The following PPFIA2 variants were observed in gnomAD, a reference collection of about 807,000 sequenced individuals.
PPFIA2 encodes PPFI scaffold protein A2.
PPFIA2 carries 46 observed loss-of-function variants against 175.5 expected under a neutral mutation model. That is an observed-to-expected ratio of 0.26 (90% CI 0.21 to 0.34). PPFIA2 has a LOEUF of 0.34. Ranked by LOEUF, PPFIA2 falls within the 10% of genes least tolerant of loss-of-function variation. PPFIA2 has a pLI of 1.00. For missense variants in PPFIA2, 1,179 were observed against 1,506.1 expected (o/e 0.78, Z 3.60); for synonymous variants, 568 against 511.4 (o/e 1.11, Z -1.49).
chr12:81,333,487 C>A (rs912476167), intron 21 of PPFIA2, among the ~76,000 whole-genome samples: 10 of 152,148 alleles, frequency 6.6e-5, no homozygotes, highest in African/African-American at 2.4e-4. Context: ...GTACAGTAAC[C>A]AGGATGGATT....
chr12:81,301,578 T>C lies in PPFIA2; in HGVS notation c.2643-2196A>G, dbSNP rs1345232585. 2.0e-5 allele frequency among the ~76,000 whole-genome samples: 3 copies of C among 152,278 alleles called. No individual in the cohort carries two copies. In the East Asian group the frequency reaches 5.8e-4, roughly 29 times the overall value. Reference sequence around the variant, plus strand: ...ATCATGTAACTTTTCTGTTCATAACTCTCCAATCACTTCCTGTCTCACTGG... The same window carrying C: ...ATCATGTAACTTTTCTGTTCATAACCCTCCAATCACTTCCTGTCTCACTGG... On this transcript the variant is annotated intron_variant, in intron 22 of 32. Transcript: ENST00000549396.
intron 4 of PPFIA2, among the ~76,000 whole-genome samples, chr12:81,630,069 C>T (rs539592965): frequency 7.2e-5 from 11 of 152,154 alleles, no homozygotes; most frequent in African/African-American, 2.7e-4. Flanking sequence ...CTGAAGGGAC[C>T]ATAAACCAAG....
intron 22 of PPFIA2, chr12:81,312,129 C>A: frequency 6.5e-7 from 1 of 1,531,092 alleles, no homozygotes; most frequent in Non-Finnish European, 8.7e-7. Flanking sequence ...TGAAAATAAA[C>A]ATGTTCAGCA....
intron 4 of PPFIA2, among the ~76,000 whole-genome samples, chr12:81,543,633 C>T (rs1333864778): frequency 6.6e-6 from 1 of 152,068 alleles, no homozygotes; most frequent in Non-Finnish European, 1.5e-5. Flanking sequence ...TCAATAGTGA[C>T]TTTCTTTCAA....
At chr12:81,542,130 T>C (rs2066319822) in intron 4 of PPFIA2, among the ~76,000 whole-genome samples, 1 of 152,158 alleles carries the variant, frequency 6.6e-6, no homozygotes, top group Admixed American at 6.6e-5. Context: ...GAGTTTATTC[T>C]GGTGTACTTG....
intron 4 of PPFIA2, among the ~76,000 whole-genome samples, chr12:81,463,035 C>T (rs1487299381): frequency 6.6e-6 from 1 of 151,944 alleles, no homozygotes; most frequent in African/African-American, 2.4e-5. Context: ...GATTTTAGAA[C>T]AGTATTTCCA....
At chr12:81,489,397 T>C (rs1739306939) in intron 4 of PPFIA2, among the ~76,000 whole-genome samples, 1 of 151,822 alleles carries the variant, frequency 6.6e-6, no homozygotes, top group Admixed American at 6.6e-5. Flanking sequence ...GACATTACTT[T>C]TAGCTTTCTT....
chr12:81,434,754 A>C (rs1192132190), intron 7 of PPFIA2, among the ~76,000 whole-genome samples: 1 of 152,102 alleles, frequency 6.6e-6, no homozygotes, highest in Non-Finnish European at 1.5e-5. Flanking sequence ...TGCTCCATAA[A>C]ATGATCTAGT....
chr12:81,259,540 T>G lies in PPFIA2; in HGVS notation c.*154A>C. On this transcript the variant is annotated 3_prime_UTR_variant, in exon 33 of 33. Transcript: ENST00000549396. ...TGACTCCCCCCAAAAATCACATTTT[T>G]CAGCTTTTAATAAGTCATGACGTCA... 4.0e-6 allele frequency: 5 copies of G among 1,255,664 alleles called. No individual in the cohort carries two copies. In the South Asian group the frequency reaches 6.7e-5, roughly 17 times the overall value. 77.8% of individuals were successfully genotyped at this position (1,255,664 alleles called of 1,614,324 possible). A position where few individuals can be genotyped will look rare whatever the true frequency, so the allele number is the denominator to read the frequency against.
At chr12:81,710,178 T>C (rs545371512) in intron 3 of PPFIA2, among the ~76,000 whole-genome samples, 83 of 152,088 alleles carry the variant, frequency 5.5e-4, no homozygotes, top group African/African-American at 1.9e-3. Context: ...GTATTTTATA[T>C]ATCTTGGGGC....
intron 3 of PPFIA2, among the ~76,000 whole-genome samples, chr12:81,687,185 T>A (rs939037664): frequency 1.3e-5 from 2 of 152,046 alleles, no homozygotes; most frequent in Non-Finnish European, 2.9e-5. Context: ...AATACTTAAG[T>A]AAGGTCCCCA....
At position 81,384,091 on chromosome 12, in the gene PPFIA2, C is replaced by A. The variant is rs2141999376; in HGVS notation, c.916G>T (p.Glu306Ter). 1 of 1,613,364 alleles carries A rather than the reference C, an allele frequency of 6.2e-7. No individual in the cohort carries two copies. The highest frequency in any genetic ancestry group is 2.2e-5 in the East Asian group (1 of 44,794). Reference sequence around the variant, plus strand: ...TTAATGAGATCCTTTCTTGCTGTCTCTGCTTCCTGTTCCACCTCTCCCACT... The same window carrying A: ...TTAATGAGATCCTTTCTTGCTGTCTATGCTTCCTGTTCCACCTCTCCCACT... The part of the protein sequence containing the change: ...SRVGEVEQEA[E>*]TARKDLIKTE... The change falls in exon 9 of 33, where the codon GAG becomes TAG. Residue 306 changes from glutamate to a stop codon, truncating the protein, a stop_gained. Coordinates refer to ENST00000549396, the MANE Select transcript of PPFIA2 (RefSeq NM_003625.5). LOFTEE classifies it high-confidence loss of function.
intron 23 of PPFIA2, among the ~76,000 whole-genome samples, 191 bp from the exon 24 acceptor site, chr12:81,295,226 G>C (rs2046169018): frequency 6.6e-6 from 1 of 152,136 alleles, no homozygotes; most frequent in Non-Finnish European, 1.5e-5. Context: ...ACACCAGGGA[G>C]GCAGGGATAG....
At chr12:81,291,380 C>A (rs192937850) in intron 24 of PPFIA2, among the ~76,000 whole-genome samples, 4 of 152,000 alleles carry the variant, frequency 2.6e-5, no homozygotes, top group Non-Finnish European at 1.5e-5. Context: ...ACTTCTATTG[C>A]ACATTTTGGA....
At chr12:81,523,840 T>C (rs551055234) in intron 4 of PPFIA2, among the ~76,000 whole-genome samples, 1 of 152,326 alleles carries the variant, frequency 6.6e-6, no homozygotes, top group African/African-American at 2.4e-5. Flanking sequence ...GTCTTGCTTT[T>C]TTTACATCTA....
intron 4 of PPFIA2, among the ~76,000 whole-genome samples, chr12:81,629,122 G>C (rs569628085): frequency 1.3e-5 from 2 of 152,182 alleles, no homozygotes; most frequent in Non-Finnish European, 2.9e-5. Flanking sequence ...ACATAAATGA[G>C]ATCATACGAG....
At chr12:81,267,126 T>A in intron 29 of PPFIA2, 106 bp from the exon 30 acceptor site, 3 of 897,624 alleles carry the variant, frequency 3.3e-6, no homozygotes, top group Non-Finnish European at 3.5e-6. Context: ...ACTTTATTTA[T>A]GGGTTTTGAA....
At chr12:81,633,408 T>C (rs2063617134) in intron 4 of PPFIA2, among the ~76,000 whole-genome samples, 2 of 151,968 alleles carry the variant, frequency 1.3e-5, no homozygotes, top group Admixed American at 1.3e-4. Context: ...TTTTTCATTG[T>C]CCCCACCATT....
intron 4 of PPFIA2, among the ~76,000 whole-genome samples, chr12:81,614,460 A>G (rs532519705): frequency 6.6e-6 from 1 of 152,286 alleles, no homozygotes; most frequent in African/African-American, 2.4e-5. Context: ...AAACCCAGTA[A>G]TTTATATGAA....
Sources: gnomAD v4.1 joint callset for allele counts (sites outside exome capture counted in the v4.1 genomes callset) on GRCh38, gnomAD v4.1.1 for gene constraint, MANE v1.5 for transcripts, NCBI Gene and HGNC (gene_info 2026-07-23, HGNC 2026-07-21) for gene names.